Variants in SLC40A1 observed in about 807,000 individuals in gnomAD.
The protein encoded by SLC40A1 is solute carrier family 40 member 1.
SLC40A1 carries 16 observed loss-of-function variants against 53.5 expected under a neutral mutation model. That is an observed-to-expected ratio of 0.30 (90% CI 0.20 to 0.45). SLC40A1 has a LOEUF of 0.45. SLC40A1 is among the 20% of genes least tolerant of loss of function. The pLI is 1.00. For missense variants in SLC40A1, 545 were observed against 695.4 expected (o/e 0.78, Z 2.43); for synonymous variants, 247 against 253.2 (o/e 0.98, Z 0.23).
In SLC40A1 at chr2:189,575,195, G is replaced by A. The variant is rs769966493; in HGVS notation, c.237C>T (p.Ile79=). 7 of 1,614,104 alleles carry A rather than the reference G, an allele frequency of 4.3e-6. 1 individual carries two copies. The Admixed American group carries it at 6.7e-5, about 15-fold the overall frequency. Residue 79 remains isoleucine (I), a synonymous_variant, in exon 3 of 8, where the codon ATC becomes ATT. Coordinates refer to ENST00000261024, the MANE Select transcript of SLC40A1 (RefSeq NM_014585.6). Reference sequence around the variant, plus strand: ...TAGCATTCTTGTCCACCCAGTCACCGATGATGGCTCCCAGGACCAGAACAG... The same window carrying A: ...TAGCATTCTTGTCCACCCAGTCACCAATGATGGCTCCCAGGACCAGAACAG... The part of the protein sequence containing the change: ...AGSVLVLGAI[I]GDWVDKNARL...
chr2:189,573,656 CG>C (rs2031203842), intron 3 of SLC40A1, among the ~76,000 whole-genome samples: 1 of 152,130 alleles, frequency 6.6e-6, no homozygotes, highest in Non-Finnish European at 1.5e-5. Context: ...CTTACGCCTG[CG>C]TCTAGAAGGT....
Position 189,561,626 on chromosome 2 carries a change from C to G in SLC40A1, c.*252G>C. 1 of 463,494 alleles carries G rather than the reference C, an allele frequency of 2.2e-6. No homozygotes were observed. 28.7% of individuals were successfully genotyped at this position (463,494 alleles called of 1,614,324 possible). A position where few individuals can be genotyped will look rare whatever the true frequency, so the allele number is the denominator to read the frequency against. On this transcript the variant is annotated 3_prime_UTR_variant, in exon 8 of 8. Transcript: ENST00000261024. ...TCTACTCATGAGAAATAGGGGAATT[C>G]AGTGTTATCATTATAGTCTCCGTAT...
chr2:189,572,100 A>G (rs2031149852), intron 4 of SLC40A1, among the ~76,000 whole-genome samples: 1 of 152,210 alleles, frequency 6.6e-6, no homozygotes, highest in South Asian at 2.1e-4. Flanking sequence ...AGGTGAATAC[A>G]GTTATAAAAT....
intron 3 of SLC40A1, among the ~76,000 whole-genome samples, chr2:189,573,179 G>A (rs1205013205): frequency 1.3e-5 from 2 of 152,100 alleles, no homozygotes; most frequent in African/African-American, 4.8e-5. Context: ...AAATGATGAA[G>A]TACCACAAGT....
Position 189,575,247 on chromosome 2 carries a change from G to A in SLC40A1, c.185C>T (p.Ala62Val). The change falls in exon 3 of 8, where the codon GCA becomes GTA. Residue 62 changes from alanine (A) to valine (V), a missense_variant. By Grantham distance (64) the Ala-to-Val change is moderately conservative. Around this residue, in one of 4 missense-constraint regions of SLC40A1, gnomAD observed 197 missense variants for 278.8 expected, o/e 0.71. Transcript: ENST00000261024. ...CCCTGCCACCACCAGCCCGTAGACT[G>A]CTGTCAAAAGGAGGCTGTTTCCATA... is the stretch of plus-strand genomic sequence containing the variant. ...ELYGNSLLLT[A>V]VYGLVVAGSV... is the part of the protein sequence containing the mutation. The A allele has an allele frequency of 6.2e-7, 1 of 1,614,134 alleles. No homozygotes were observed. Among genetic ancestry groups the A allele is most frequent in the Non-Finnish European group, 8.5e-7 (1 of 1,179,988 alleles).
At position 189,560,817 on chromosome 2, in the gene SLC40A1, T is replaced by A. The variant is rs2030714221; in HGVS notation, c.*1061A>T. On this transcript the variant is annotated 3_prime_UTR_variant, in exon 8 of 8. Transcript: ENST00000261024. ...CAAACTGACTTTTAAAACAATTTTT[T>A]AAAATATATACAAACTTTTTTTCTT... The A allele has an allele frequency of 6.6e-6, 1 of 152,650 alleles. No homozygotes were observed. The highest frequency in any genetic ancestry group is 1.5e-5 in the Non-Finnish European group (1 of 68,044). The allele number at this position is 152,650 out of a possible 1,614,324, so 9.5% of individuals were successfully genotyped here. A position where few individuals can be genotyped will look rare whatever the true frequency, so the allele number is the denominator to read the frequency against.
chr2:189,564,535 T>C (rs1038966218), intron 6 of SLC40A1, among the ~76,000 whole-genome samples: 2 of 151,792 alleles, frequency 1.3e-5, no homozygotes, highest in Non-Finnish European at 2.9e-5. Context: ...AATATTAAAA[T>C]TGTCTAAAAA....
Position 189,580,590 on chromosome 2 carries a change from A to G in SLC40A1, c.-130T>C. Reference sequence around the variant, plus strand: ...AAAAACACAACAGCCTTGGGCAAAAAGACTACAACGACGACTTTGGCAAAG... The same window carrying G: ...AAAAACACAACAGCCTTGGGCAAAAGGACTACAACGACGACTTTGGCAAAG... On this transcript the variant is annotated 5_prime_UTR_variant, in exon 1 of 8. Transcript: ENST00000261024. The G allele has an allele frequency of 6.3e-7, 1 of 1,578,902 alleles. No individual in the cohort carries two copies. Among genetic ancestry groups the G allele is most frequent in the South Asian group, 1.1e-5 (1 of 88,816 alleles).
chr2:189,571,208 C>G (rs974664413), intron 5 of SLC40A1, among the ~76,000 whole-genome samples: 1 of 152,038 alleles, frequency 6.6e-6, no homozygotes, highest in African/African-American at 2.4e-5. Flanking sequence ...GTATTTGTAA[C>G]AGCAATTATA....
chr2:189,569,239 G>C (rs2031046749), intron 5 of SLC40A1, among the ~76,000 whole-genome samples: 1 of 152,188 alleles, frequency 6.6e-6, no homozygotes, highest in Non-Finnish European at 1.5e-5. Flanking sequence ...CTGTGATGAG[G>C]AAATGGGAGC....
chr2:189,567,028 C>T (rs750815188), intron 5 of SLC40A1, among the ~76,000 whole-genome samples: 16 of 152,024 alleles, frequency 1.1e-4, no homozygotes, highest in African/African-American at 7.3e-5. Context: ...AGTGACAAAA[C>T]GAGAGGGGGC....
intron 5 of SLC40A1, among the ~76,000 whole-genome samples, chr2:189,568,362 G>A (rs965385585): frequency 2.0e-5 from 3 of 152,056 alleles, no homozygotes; most frequent in Non-Finnish European, 2.9e-5. Context: ...GGTGGCGGGC[G>A]CCTGTAGTCA....
At chr2:189,567,395 T>C (rs144901608) in intron 5 of SLC40A1, among the ~76,000 whole-genome samples, 81 of 152,296 alleles carry the variant, frequency 5.3e-4, no homozygotes, top group Non-Finnish European at 9.4e-4. Context: ...AAAGAAATGA[T>C]ACATGTTTGA....
At chr2:189,578,291 G>T (rs1346637182) in intron 2 of SLC40A1, 2 of 1,001,894 alleles carry the variant, frequency 2.0e-6, no homozygotes, top group African/African-American at 3.5e-5. Context: ...AACCTTATAT[G>T]ATTGTAGTTG....
At chr2:189,564,894 A>G (rs1342209698) in intron 6 of SLC40A1, among the ~76,000 whole-genome samples, 1 of 152,196 alleles carries the variant, frequency 6.6e-6, no homozygotes, top group Non-Finnish European at 1.5e-5. Context: ...AGAGCTGGAT[A>G]AAAGATTCTG....
At position 189,564,124 on chromosome 2, in the gene SLC40A1, T is replaced by G; in HGVS notation, c.862A>C (p.Met288Leu). Residue 288 changes from methionine (M) to leucine (L), a missense_variant, in exon 7 of 8, where the codon ATG becomes CTG. Around this residue, in one of 4 missense-constraint regions of SLC40A1, gnomAD observed 107 missense variants for 91.0 expected, o/e 1.18. Transcript: ENST00000261024. ...HEQEPTCASQ[M>L]AEPFRTFRDG... ...CGGAAGGTACGGAAGGGCTCAGCCA[T>G]CTGGGAGGCACAAGTAGGCTCTTGC... is the stretch of plus-strand genomic sequence containing the variant. 1 of 1,611,666 alleles carries G rather than the reference T, an allele frequency of 6.2e-7. No homozygotes were observed. The highest frequency in any genetic ancestry group is 1.7e-4 in the Middle Eastern group (1 of 6,044).
Position 189,564,050 on chromosome 2 carries a change from CAT to C in SLC40A1, c.934_935del (p.Met312GlyfsTer13). 1 of 1,612,638 alleles carries C rather than the reference CAT, an allele frequency of 6.2e-7. No individual in the cohort carries two copies. The highest frequency in any genetic ancestry group is 8.5e-7 in the Non-Finnish European group (1 of 1,178,888). On this transcript the variant is annotated frameshift_variant, in exon 7 of 8. Transcript: ENST00000261024. LOFTEE classifies it high-confidence loss of function. ...YYNQPVFLAG[M>X]GLAFLYMTVL... ...CAGTCATATAAAGGAAAGCAAGACC[CAT>C]GCCAGCCAGAAACACAGGCTGGTTG...
intron 2 of SLC40A1, among the ~76,000 whole-genome samples, chr2:189,575,616 T>G (rs1248391521): frequency 6.6e-6 from 1 of 152,236 alleles, no homozygotes; most frequent in Non-Finnish European, 1.5e-5. Flanking sequence ...GATGGCTTTT[T>G]GAGACAAAAA....
At chr2:189,573,541 C>T (rs559204474) in intron 3 of SLC40A1, among the ~76,000 whole-genome samples, 9 of 152,282 alleles carry the variant, frequency 5.9e-5, no homozygotes, top group Non-Finnish European at 8.8e-5. Flanking sequence ...TCTTATGAGG[C>T]GCCCATATAG....
Sources: gnomAD v4.1 joint callset for allele counts (sites outside exome capture counted in the v4.1 genomes callset) on GRCh38, gnomAD v4.1.1 for gene constraint, gnomAD v4.1.1 regional missense constraint, MANE v1.5 for transcripts, NCBI Gene and HGNC (gene_info 2026-07-23, HGNC 2026-07-21) for gene names.